Variants in PIP5K1B observed in about 807,000 individuals in gnomAD.
PIP5K1B encodes phosphatidylinositol 4-phosphate 5-kinase type-1 beta.
A neutral mutation model predicts 67.0 loss-of-function variants in PIP5K1B; 42 were observed. The observed-to-expected ratio is 0.63, with a 90% CI of 0.49 to 0.81. PIP5K1B has a LOEUF of 0.81. Among genes scored for constraint, PIP5K1B ranks in the 30% least tolerant of loss-of-function variants. The pLI, the probability that PIP5K1B is intolerant of heterozygous loss-of-function variation, is 0.00. For missense variants in PIP5K1B, 459 were observed against 646.3 expected (o/e 0.71, Z 3.14); for synonymous variants, 214 against 231.4 (o/e 0.92, Z 0.68).
chr9:68,982,484 C>T (rs891610022), intron 14 of PIP5K1B, among the ~76,000 whole-genome samples: 8 of 152,106 alleles, frequency 5.3e-5, no homozygotes, highest in Middle Eastern at 3.2e-3. Flanking sequence ...TGGCCAGGCA[C>T]GGTGGCTCAC....
chr9:68,912,951 A>C (rs1026378711), intron 8 of PIP5K1B, among the ~76,000 whole-genome samples: 1 of 152,204 alleles, frequency 6.6e-6, no homozygotes, highest in African/African-American at 2.4e-5. Context: ...CTCATGCATC[A>C]CCAGTCATGA....
At chr9:68,885,452 T>C (rs1043821404) in intron 6 of PIP5K1B, among the ~76,000 whole-genome samples, 9 of 152,230 alleles carry the variant, frequency 5.9e-5, no homozygotes, top group Non-Finnish European at 1.2e-4. Flanking sequence ...AAGTGGATTT[T>C]AAATATTCTC....
chr9:68,896,318 C>A (rs1233239371), intron 8 of PIP5K1B, among the ~76,000 whole-genome samples: 3 of 150,740 alleles, frequency 2.0e-5, no homozygotes, highest in Non-Finnish European at 4.4e-5. Flanking sequence ...CCTTTATCTG[C>A]TGCCTTCTAA....
chr9:68,993,314 C>T (rs1830462595), intron 15 of PIP5K1B, among the ~76,000 whole-genome samples: 1 of 152,138 alleles, frequency 6.6e-6, no homozygotes. Context: ...ACATCTCTGC[C>T]TTGGGACTTT....
At chr9:68,973,495 A>T (rs1829492376) in intron 14 of PIP5K1B, among the ~76,000 whole-genome samples, 1 of 152,230 alleles carries the variant, frequency 6.6e-6, no homozygotes. Flanking sequence ...AAACATAGGA[A>T]AAGGGTATAT....
chr9:68,894,005 A>G (rs1217740704), intron 7 of PIP5K1B, among the ~76,000 whole-genome samples: 1 of 152,108 alleles, frequency 6.6e-6, no homozygotes, highest in Non-Finnish European at 1.5e-5. Flanking sequence ...TTCATCCCTC[A>G]TACCTTGGCA....
At chr9:68,734,696 A>T (rs976310960) in intron 1 of PIP5K1B, among the ~76,000 whole-genome samples, 16 of 152,254 alleles carry the variant, frequency 1.1e-4, no homozygotes, top group African/African-American at 3.9e-4. Flanking sequence ...AGTCTATACA[A>T]AAGGGAGAAA....
At chr9:68,725,862 T>C (rs1828123219) in intron 1 of PIP5K1B, among the ~76,000 whole-genome samples, 2 of 152,224 alleles carry the variant, frequency 1.3e-5, no homozygotes, top group Non-Finnish European at 2.9e-5. Context: ...AGTTTATTGC[T>C]TATTCCGTTT....
Position 68,922,387 on chromosome 9 carries a change from C to T in PIP5K1B, c.1117-915C>T, listed in dbSNP as rs377331984. ...CCGATGCAGGAGAATCACTTGAATC[C>T]GGGAGGCGGAGGTTGCAGTGAGCCG... On this transcript the variant is annotated intron_variant, in intron 11 of 15. Coordinates refer to ENST00000265382, the MANE Select transcript of PIP5K1B (RefSeq NM_003558.4). 6.0e-5 allele frequency among the ~76,000 whole-genome samples: 9 copies of T among 150,106 alleles called. No individual in the cohort carries two copies. The East Asian group carries it at 7.8e-4, about 13-fold the overall frequency.
At chr9:68,733,097 T>G (rs1249305827) in intron 1 of PIP5K1B, among the ~76,000 whole-genome samples, 1 of 152,210 alleles carries the variant, frequency 6.6e-6, no homozygotes, top group African/African-American at 2.4e-5. Context: ...AATGCTCATG[T>G]ACTTGTGTAG....
At chr9:68,837,589 T>C (rs575201316) in intron 4 of PIP5K1B, among the ~76,000 whole-genome samples, 16 of 143,064 alleles carry the variant, frequency 1.1e-4, no homozygotes, top group Admixed American at 7.5e-4. Flanking sequence ...ATTAGACTTT[T>C]ACTTTTCCTT....
At chr9:68,917,432 C>G (rs373344916) in intron 8 of PIP5K1B, 116 bp from the exon 9 acceptor site, 2 of 761,798 alleles carry the variant, frequency 2.6e-6, no homozygotes, top group Non-Finnish European at 4.5e-6. Flanking sequence ...TCAGCCACCC[C>G]GCTGGGAGGA....
chr9:68,992,394 C>G (rs1033682914), intron 15 of PIP5K1B, among the ~76,000 whole-genome samples: 1 of 152,148 alleles, frequency 6.6e-6, no homozygotes, highest in Non-Finnish European at 1.5e-5. Context: ...GAATCAGCAC[C>G]GAGTGATGCA....
At chr9:68,782,871 A>G (rs1273704286) in intron 2 of PIP5K1B, 1 of 167,048 alleles carries the variant, frequency 6.0e-6, no homozygotes, top group Non-Finnish European at 1.5e-5. Flanking sequence ...AGCTCAATTG[A>G]TGTCATCACT....
intron 4 of PIP5K1B, among the ~76,000 whole-genome samples, chr9:68,844,206 TCTA>T (rs1451031383): frequency 6.6e-6 from 1 of 152,212 alleles, no homozygotes; most frequent in Non-Finnish European, 1.5e-5. Flanking sequence ...TTCAATATCA[TCTA>T]CTCAGTCATT....
chr9:68,770,273 C>T (rs1830613916), intron 2 of PIP5K1B, among the ~76,000 whole-genome samples: 1 of 152,186 alleles, frequency 6.6e-6, no homozygotes, highest in Non-Finnish European at 1.5e-5. Context: ...ATTAGCTAAG[C>T]CTCCGACTTC....
chr9:68,887,863 A>C (rs1264118776), intron 6 of PIP5K1B, among the ~76,000 whole-genome samples: 1 of 152,180 alleles, frequency 6.6e-6, no homozygotes, highest in Non-Finnish European at 1.5e-5. Context: ...CTCTAAGGGA[A>C]AAGGCAGAGA....
At chr9:68,835,225 C>T (rs944335414) in intron 4 of PIP5K1B, among the ~76,000 whole-genome samples, 2 of 152,148 alleles carry the variant, frequency 1.3e-5, no homozygotes, top group Middle Eastern at 3.2e-3. Flanking sequence ...GGAGTGTAGA[C>T]TTTATAGCTG....
At chr9:68,940,511 AG>A in intron 13 of PIP5K1B, 134 bp from the exon 14 acceptor site, 1 of 751,244 alleles carries the variant, frequency 1.3e-6, no homozygotes, top group East Asian at 2.6e-5. Context: ...AGAAAAAAAA[AG>A]TGCAGTTAAT....
Sources: gnomAD v4.1 joint callset for allele counts (sites outside exome capture counted in the v4.1 genomes callset) on GRCh38, gnomAD v4.1.1 for gene constraint, MANE v1.5 for transcripts, NCBI Gene and HGNC (gene_info 2026-07-23, HGNC 2026-07-21) for gene names.